TRAPPC9: variants seen among roughly 807,000 people sequenced by gnomAD.
TRAPPC9 encodes trafficking protein particle complex subunit 9.
Under a neutral mutation model 124.0 loss-of-function variants are expected in TRAPPC9, and 83 were observed. The observed-to-expected ratio is 0.67, with a 90% CI of 0.56 to 0.80. The LOEUF is 0.80. TRAPPC9 is among the 30% of genes least tolerant of loss of function. The pLI is 0.00. For missense variants in TRAPPC9, 1,302 were observed against 1,508.3 expected (o/e 0.86, Z 2.27); for synonymous variants, 638 against 617.5 (o/e 1.03, Z -0.49).
At position 140,275,681 on chromosome 8, in the gene TRAPPC9, G is replaced by C. The variant is rs1296070888; in HGVS notation, c.2255C>G (p.Thr752Ser). Residue 752 changes from threonine to serine, a missense_variant, in exon 15 of 23, where the codon ACC (threonine) becomes AGC (serine). Transcript: ENST00000438773. ...GMEPLEKLEVTSKVLTTKEKL... is the reference protein window; with the variant it reads ...GMEPLEKLEVSSKVLTTKEKL... ...ACCTTTAGTGGTGAGAACTTTCGAG[G>C]TGACCTCCAGTTTCTCCAATGGTTC... is the stretch of plus-strand genomic sequence containing the variant. The C allele has an allele frequency of 1.2e-6, 2 of 1,614,042 alleles. No homozygotes were observed. The highest frequency in any genetic ancestry group is 1.1e-5 in the South Asian group (1 of 91,084).
intron 17 of TRAPPC9, among the ~76,000 whole-genome samples, chr8:140,160,672 C>T (rs895537701): frequency 2.6e-5 from 4 of 152,018 alleles, no homozygotes; most frequent in African/African-American, 7.2e-5. Context: ...GGAGGGATAG[C>T]ATTAGGAGAA....
chr8:139,733,197 G>T (rs1410320217), intron 21 of TRAPPC9, among the ~76,000 whole-genome samples: 1 of 152,164 alleles, frequency 6.6e-6, no homozygotes, highest in African/African-American at 2.4e-5. Context: ...GTCCTTATAT[G>T]GGGCAGAAGA....
At chr8:139,996,163 A>AAAAAAAAAAAAAAAAAAAAAAAAAAAG in intron 18 of TRAPPC9, among the ~76,000 whole-genome samples, 2 of 138,370 alleles carry the variant, frequency 1.4e-5, no homozygotes, top group Non-Finnish European at 3.2e-5. Context: ...TTAAGCAAAA[A>AAAAAAAAAAAAAAAAAAAAAAAAAAAG]AAAAAAAAAA....
chr8:139,927,254 CT>C (rs58958161), intron 19 of TRAPPC9, among the ~76,000 whole-genome samples: 38,530 of 147,700 alleles, frequency 0.26, 5,044 homozygotes, highest in East Asian at 0.4. Context: ...TCTTTTCTTT[CT>C]TTTTTTTTTT....
At chr8:140,012,012 A>G (rs1409769210) in intron 18 of TRAPPC9, among the ~76,000 whole-genome samples, 3 of 152,184 alleles carry the variant, frequency 2.0e-5, no homozygotes, top group African/African-American at 7.2e-5. Context: ...GGGTTTCACT[A>G]TGTTGACCAG....
chr8:139,849,600 G>A (rs1220553452), intron 21 of TRAPPC9, among the ~76,000 whole-genome samples: 1 of 152,224 alleles, frequency 6.6e-6, no homozygotes, highest in African/African-American at 2.4e-5. Flanking sequence ...ATAGATCAGA[G>A]TACTTCGTGT....
chr8:140,439,959 T>C (rs1288804023), intron 2 of TRAPPC9, among the ~76,000 whole-genome samples: 1 of 152,180 alleles, frequency 6.6e-6, no homozygotes, highest in African/African-American at 2.4e-5. Context: ...CCAGAAGATG[T>C]GACGTTTCTA....
chr8:139,986,966 G>T (rs752232218), intron 19 of TRAPPC9, among the ~76,000 whole-genome samples: 1 of 152,142 alleles, frequency 6.6e-6, no homozygotes, highest in Non-Finnish European at 1.5e-5. Flanking sequence ...GGCAAAAGCC[G>T]CAATTACTTT....
intron 17 of TRAPPC9, among the ~76,000 whole-genome samples, chr8:140,075,390 G>A (rs183893764): frequency 6.6e-6 from 1 of 152,322 alleles, no homozygotes; most frequent in East Asian, 1.9e-4. Context: ...AGACAGAGAA[G>A]ATCAGCCCAC....
intron 21 of TRAPPC9, among the ~76,000 whole-genome samples, chr8:139,811,255 T>C (rs1824428544): frequency 6.6e-6 from 1 of 152,186 alleles, no homozygotes; most frequent in African/African-American, 2.4e-5. Context: ...TTGTGGATAT[T>C]TTCCAGGAAG....
At chr8:139,830,165 C>T (rs772249560) in intron 21 of TRAPPC9, among the ~76,000 whole-genome samples, 58 of 152,198 alleles carry the variant, frequency 3.8e-4, no homozygotes, top group African/African-American at 1.3e-3. Flanking sequence ...AGGAGCCTGA[C>T]GTGCACGTGC....
chr8:139,948,255 AC>A (rs1834397114), intron 19 of TRAPPC9, among the ~76,000 whole-genome samples: 152 of 23,544 alleles, frequency 6.5e-3, no homozygotes, highest in African/African-American at 0.011. Flanking sequence ...TAAAACACAC[AC>A]ACACACACAC....
intron 17 of TRAPPC9, among the ~76,000 whole-genome samples, chr8:140,067,907 A>G (rs1842962812): frequency 6.6e-6 from 1 of 152,224 alleles, no homozygotes; most frequent in Non-Finnish European, 1.5e-5. Flanking sequence ...TGAGGCACGC[A>G]TCATGTCACC....
At chr8:140,324,641 G>T (rs969214553) in intron 9 of TRAPPC9, among the ~76,000 whole-genome samples, 1 of 152,064 alleles carries the variant, frequency 6.6e-6, no homozygotes, top group African/African-American at 2.4e-5. Context: ...ATGGTAGTAC[G>T]TGCCCATGGG....
At chr8:139,895,879 A>C (rs1244390533) in intron 20 of TRAPPC9, among the ~76,000 whole-genome samples, 1 of 152,174 alleles carries the variant, frequency 6.6e-6, no homozygotes, top group Non-Finnish European at 1.5e-5. Flanking sequence ...CAGGCTTTGG[A>C]GGCAGGCAGC....
chr8:139,886,691 C>A (rs1830037473), intron 20 of TRAPPC9, among the ~76,000 whole-genome samples: 1 of 152,178 alleles, frequency 6.6e-6, no homozygotes, highest in Admixed American at 6.5e-5. Context: ...AATACCCCAC[C>A]TTCCTTCTTC....
At chr8:139,993,675 A>T (rs1315836103) in intron 18 of TRAPPC9, among the ~76,000 whole-genome samples, 1 of 152,232 alleles carries the variant, frequency 6.6e-6, no homozygotes, top group Non-Finnish European at 1.5e-5. Context: ...ACAATGGTAG[A>T]GTTATATGAT....
intron 17 of TRAPPC9, among the ~76,000 whole-genome samples, chr8:140,054,794 T>G (rs1842205303): frequency 6.6e-6 from 1 of 151,752 alleles, no homozygotes; most frequent in Middle Eastern, 3.2e-3. Context: ...GAATAACCTA[T>G]GAGAAATGGC....
intron 17 of TRAPPC9, among the ~76,000 whole-genome samples, chr8:140,070,875 C>G (rs1447474952): frequency 6.6e-6 from 1 of 152,166 alleles, no homozygotes; most frequent in African/African-American, 2.4e-5. Flanking sequence ...CTCCACGTCT[C>G]TTACCTACAG....
Sources: gnomAD v4.1 joint callset for allele counts (sites outside exome capture counted in the v4.1 genomes callset) on GRCh38, gnomAD v4.1.1 for gene constraint, MANE v1.5 for transcripts, NCBI Gene and HGNC (gene_info 2026-07-23, HGNC 2026-07-21) for gene names.